Variants in OXR1 observed in about 807,000 individuals in gnomAD.
The protein encoded by OXR1 is oxidation resistance 1.
A neutral mutation model predicts 104.6 loss-of-function variants in OXR1; 41 were observed. The observed-to-expected ratio is 0.39, with a 90% CI of 0.31 to 0.51. OXR1 has a LOEUF of 0.51. OXR1 is among the 20% of genes least tolerant of loss of function. OXR1 has a pLI of 0.77. For missense variants in OXR1, 955 were observed against 1,031.9 expected (o/e 0.93, Z 1.02); for synonymous variants, 348 against 348.4 (o/e 1.00, Z 0.01).
chr8:106,744,173 C>G (rs1347944633), intron 15 of OXR1, among the ~76,000 whole-genome samples: 1 of 152,162 alleles, frequency 6.6e-6, no homozygotes, highest in Admixed American at 6.5e-5. Context: ...TGTAACAAAC[C>G]TGTGCATCCT....
At chr8:106,359,836 C>T (rs1816162777) in intron 2 of OXR1, among the ~76,000 whole-genome samples, 200 bp downstream of exon 2, 2 of 152,136 alleles carry the variant, frequency 1.3e-5, no homozygotes, top group Non-Finnish European at 2.9e-5. Context: ...TATCTGGGGG[C>T]TCTGGAAAGG....
chr8:106,619,841 A>C (rs1821550983), intron 3 of OXR1, among the ~76,000 whole-genome samples: 1 of 152,100 alleles, frequency 6.6e-6, no homozygotes, highest in Non-Finnish European at 1.5e-5. Context: ...TTTGAATTTC[A>C]ATGAAACTCC....
At chr8:106,337,253 G>C (rs1815005157) in intron 1 of OXR1, among the ~76,000 whole-genome samples, 1 of 152,160 alleles carries the variant, frequency 6.6e-6, no homozygotes. Flanking sequence ...CTGTGGCCTA[G>C]ATAGGTACTG....
At position 106,501,084 on chromosome 8, in the gene OXR1, A is replaced by G. The variant is rs1235822959; in HGVS notation, c.24-17859A>G. ...AGCCAGATGTGAAATTTTAGGGAAG[A>G]TGGATTTCAAGCAGAAAAATCTTCT... is the stretch of plus-strand genomic sequence containing the variant. On this transcript the variant is annotated intron_variant, in intron 2 of 16. Transcript: ENST00000517566. 3.3e-5 allele frequency among the ~76,000 whole-genome samples: 5 copies of G among 152,226 alleles called. No individual in the cohort carries two copies. The East Asian group carries it at 5.8e-4, about 18-fold the overall frequency.
chr8:106,689,249 A>AT (rs1268942558), intron 6 of OXR1, among the ~76,000 whole-genome samples: 1 of 151,972 alleles, frequency 6.6e-6, no homozygotes, highest in Non-Finnish European at 1.5e-5. Context: ...GGCATTCCTT[A>AT]TCTTGTAAAT....
intron 2 of OXR1, among the ~76,000 whole-genome samples, chr8:106,454,489 G>A (rs1213035227): frequency 6.7e-6 from 1 of 150,278 alleles, no homozygotes; most frequent in African/African-American, 2.4e-5. Flanking sequence ...AATTATATAT[G>A]TATATATATA....
chr8:106,536,424 C>G (rs1295763704), intron 3 of OXR1, among the ~76,000 whole-genome samples: 1 of 151,878 alleles, frequency 6.6e-6, no homozygotes, highest in Non-Finnish European at 1.5e-5. Context: ...ATCAGCATCA[C>G]CGAGAACACA....
At chr8:106,632,525 G>GT (rs1563656175) in intron 3 of OXR1, among the ~76,000 whole-genome samples, 1 of 152,060 alleles carries the variant, frequency 6.6e-6, no homozygotes, top group African/African-American at 2.4e-5. Context: ...TAATTGATGG[G>GT]TTTTTCTTGT....
intron 11 of OXR1, among the ~76,000 whole-genome samples, chr8:106,720,401 G>A (rs1832725957): frequency 6.6e-6 from 1 of 152,120 alleles, no homozygotes; most frequent in South Asian, 2.1e-4. Context: ...TTCAGGTGTT[G>A]TGTTAAACAT....
intron 2 of OXR1, among the ~76,000 whole-genome samples, chr8:106,408,885 G>T (rs139886691): frequency 2.7e-3 from 416 of 152,232 alleles, no homozygotes; most frequent in African/African-American, 9.4e-3. Context: ...AAAAACTGGA[G>T]CCAACACAAC....
At chr8:106,674,255 C>G (rs1827341261) in intron 3 of OXR1, among the ~76,000 whole-genome samples, 1 of 152,208 alleles carries the variant, frequency 6.6e-6, no homozygotes, top group Non-Finnish European at 1.5e-5. Context: ...ATCAGTGTGA[C>G]CTGGATGTGA....
At chr8:106,317,203 T>C (rs1814002977) in intron 1 of OXR1, among the ~76,000 whole-genome samples, 1 of 152,180 alleles carries the variant, frequency 6.6e-6, no homozygotes, top group African/African-American at 2.4e-5. Context: ...TTAAGGCAAA[T>C]AGAGCTATTT....
intron 7 of OXR1, chr8:106,697,956 C>T (rs1587138548): frequency 1.2e-6 from 2 of 1,612,714 alleles, no homozygotes; most frequent in Non-Finnish European, 1.7e-6. Flanking sequence ...CATACTGTTT[C>T]TCAATCTTCT....
chr8:106,653,998 AATGT>A (rs1421317925), intron 3 of OXR1, among the ~76,000 whole-genome samples: 1 of 152,116 alleles, frequency 6.6e-6, no homozygotes, highest in African/African-American at 2.4e-5. Flanking sequence ...AACACTTATT[AATGT>A]ATGTCACAAA....
Position 106,707,007 on chromosome 8 carries a change from C to T in OXR1, c.1486C>T (p.Gln496Ter), listed in dbSNP as rs1295044822. ...AGGAAAGGAGCAAAATCAGGACTCA[C>T]AGACAGAGGCAGAAGAGCTACGCAA... is the stretch of plus-strand genomic sequence containing the variant. ...KQGKEQNQDS[Q>*]TEAEELRKLW... is the part of the protein sequence containing the mutation. The change falls in exon 9 of 17, where the codon CAG becomes TAG. Residue 496 changes from glutamine (Q) to a stop codon, truncating the protein, a stop_gained. Transcript: ENST00000517566. LOFTEE classifies it high-confidence loss of function. 1 of 1,613,678 alleles carries T rather than the reference C, an allele frequency of 6.2e-7. No homozygotes were observed. Among genetic ancestry groups the T allele is most frequent in the Non-Finnish European group, 8.5e-7 (1 of 1,179,942 alleles).
chr8:106,569,630 C>T (rs536574893), intron 3 of OXR1, among the ~76,000 whole-genome samples: 7 of 152,264 alleles, frequency 4.6e-5, no homozygotes, highest in African/African-American at 1.7e-4. Flanking sequence ...AGAGTTCTGT[C>T]TTGTCTTACT....
intron 2 of OXR1, among the ~76,000 whole-genome samples, chr8:106,421,883 T>C (rs907538236): frequency 1.6e-5 from 2 of 126,386 alleles, no homozygotes; most frequent in African/African-American, 6.5e-5. Context: ...AGTTGATAAT[T>C]TCTATATAGC....
At chr8:106,466,908 A>T (rs1821202812) in intron 2 of OXR1, among the ~76,000 whole-genome samples, 1 of 151,940 alleles carries the variant, frequency 6.6e-6, no homozygotes, top group South Asian at 2.1e-4. Context: ...TTGATATTGT[A>T]CAGCTGATAA....
intron 2 of OXR1, among the ~76,000 whole-genome samples, chr8:106,423,873 A>G (rs751783607): frequency 1.4e-4 from 22 of 152,152 alleles, no homozygotes; most frequent in Admixed American, 3.3e-4. Context: ...TAAAATCTCA[A>G]CCTTCTTCCA....
Sources: gnomAD v4.1 joint callset for allele counts (sites outside exome capture counted in the v4.1 genomes callset) on GRCh38, gnomAD v4.1.1 for gene constraint, MANE v1.5 for transcripts, NCBI Gene and HGNC (gene_info 2026-07-23, HGNC 2026-07-21) for gene names.